Variants in LIMCH1 observed in about 807,000 individuals in gnomAD.
The protein encoded by LIMCH1 is LIM and calponin homology domains-containing protein 1.
A neutral mutation model predicts 176.5 loss-of-function variants in LIMCH1; 113 were observed. The ratio of observed to expected loss-of-function variants is 0.64; its 90% CI spans 0.55 to 0.75. The LOEUF is 0.75. Among genes scored for constraint, LIMCH1 ranks in the 30% least tolerant of loss-of-function variants. LIMCH1 has a pLI of 0.00. For synonymous variants in LIMCH1, 619 were observed against 645.9 expected (o/e 0.96, Z 0.63); for missense variants, 1,674 against 1,814.9 (o/e 0.92, Z 1.41).
chr4:41,665,619 A>T lies in LIMCH1; in HGVS notation c.3292-942A>T, dbSNP rs573912618. Among the ~76,000 whole-genome samples, 399 of 152,174 alleles carry T rather than the reference A, an allele frequency of 2.6e-3. 3 individuals carry two copies. Among genetic ancestry groups the T allele is most frequent in the Non-Finnish European group, 2.9e-3 (199 of 68,038 alleles). On this transcript the variant is annotated intron_variant, in intron 20 of 31. Coordinates refer to ENST00000503057, the MANE Select transcript of LIMCH1 (RefSeq NM_001330672.2). ...CCCTGAGGTCATTGATCTATAGGGA[A>T]CACAGCCACCAGCCAAAGAGTGAAT...
At chr4:41,522,572 A>G (rs1405437338) in intron 2 of LIMCH1, among the ~76,000 whole-genome samples, 2 of 152,228 alleles carry the variant, frequency 1.3e-5, no homozygotes, top group Admixed American at 1.3e-4. Flanking sequence ...TATCTGAGAA[A>G]AGCAAAAGTA....
At chr4:41,647,127 T>G (rs902319262) in intron 17 of LIMCH1, among the ~76,000 whole-genome samples, 36 of 152,232 alleles carry the variant, frequency 2.4e-4, no homozygotes, top group Non-Finnish European at 7.3e-5. Context: ...AGACTGATAG[T>G]GGAGTCGTCT....
chr4:41,682,560 C>A, intron 26 of LIMCH1, 100 bp downstream of exon 26: 1 of 1,160,038 alleles, frequency 8.6e-7, no homozygotes, highest in African/African-American at 1.5e-5. Flanking sequence ...TTACATTCAG[C>A]TTCGAAATGA....
At chr4:41,391,414 G>T (rs1229487727) in intron 1 of LIMCH1, among the ~76,000 whole-genome samples, 4 of 152,130 alleles carry the variant, frequency 2.6e-5, no homozygotes, top group African/African-American at 9.7e-5. Context: ...AGGTTCTAAC[G>T]TCAGCACATA....
intron 1 of LIMCH1, among the ~76,000 whole-genome samples, chr4:41,392,515 G>A (rs1490042793): frequency 6.6e-6 from 1 of 152,190 alleles, no homozygotes; most frequent in Non-Finnish European, 1.5e-5. Flanking sequence ...AACAGCAAGG[G>A]ATGCTGTTTG....
At chr4:41,524,579 T>A in intron 3 of LIMCH1, 1 of 871,582 alleles carries the variant, frequency 1.1e-6, no homozygotes, top group Non-Finnish European at 2.0e-6. Context: ...CAATATATAT[T>A]CCACTTGAAT....
At chr4:41,534,581 T>G (rs553290111), upstream of LIMCH1, among the ~76,000 whole-genome samples, 17 of 152,320 alleles carry the variant, frequency 1.1e-4, no homozygotes, top group South Asian at 2.9e-3. Context: ...TGCAGATGTC[T>G]GGCAGACTAT....
rs1369111482 is a variant in LIMCH1, at chr4:41,698,800, T to C, written c.*1615T>C. 6.6e-6 allele frequency: 1 copy of C among 152,436 alleles called. No individual in the cohort carries two copies. The highest frequency in any genetic ancestry group is 2.4e-5 in the African/African-American group (1 of 41,368). The allele number at this position is 152,436 out of a possible 1,614,324, so 9.4% of individuals were successfully genotyped here. ...AGGGATTTCGACCATATTTGTCATT[T>C]GGATGAGCTGTTATTAGATTGAAAT... On this transcript the variant is annotated 3_prime_UTR_variant, in exon 32 of 32. Coordinates refer to ENST00000503057, the MANE Select transcript of LIMCH1 (RefSeq NM_001330672.2).
chr4:41,443,771 A>G (rs1343307780), intron 1 of LIMCH1, among the ~76,000 whole-genome samples: 1 of 152,208 alleles, frequency 6.6e-6, no homozygotes, highest in African/African-American at 2.4e-5. Flanking sequence ...AGAGAGGCCC[A>G]TGGAACAAGT....
At chr4:41,633,484 A>T in intron 12 of LIMCH1, 64 bp from the exon 13 acceptor site, 1 of 1,505,672 alleles carries the variant, frequency 6.6e-7, no homozygotes, top group Non-Finnish European at 8.9e-7. Flanking sequence ...CCAGTGAGTG[A>T]CACTACTGAA....
chr4:41,681,346 A>G (rs1412499159), intron 25 of LIMCH1, among the ~76,000 whole-genome samples: 1 of 152,166 alleles, frequency 6.6e-6, no homozygotes, highest in East Asian at 1.9e-4. Flanking sequence ...CAAGATCTCA[A>G]TTAGTGAAGT....
intron 2 of LIMCH1, among the ~76,000 whole-genome samples, chr4:41,506,229 T>C (rs1231350635): frequency 6.6e-6 from 1 of 152,236 alleles, no homozygotes; most frequent in Non-Finnish European, 1.5e-5. Context: ...TTTCCAAAGA[T>C]AAGAAATCTG....
At position 41,644,556 on chromosome 4, in the gene LIMCH1, G is replaced by T; in HGVS notation, c.2183G>T (p.Ser728Ile). The T allele has an allele frequency of 6.2e-7, 1 of 1,606,372 alleles. No individual in the cohort carries two copies. Among genetic ancestry groups the T allele is most frequent in the Non-Finnish European group, 8.5e-7 (1 of 1,176,658 alleles). Residue 728 changes from serine to isoleucine, a missense_variant, in exon 15 of 32, where the codon AGC becomes ATC. Physicochemically the swap from Ser to Ile is moderately radical, Grantham distance 142 (BLOSUM62 -2). Transcript: ENST00000503057. Reference protein sequence around the residue: ...CEEEAAVQPHSRARQEQLQLI... With the variant: ...CEEEAAVQPHIRARQEQLQLI... The stretch of plus-strand genomic sequence containing the variant: ...GAGGAGGCCGCGGTGCAGCCGCACA[G>T]CAGGGCCCGCCAGGAGCAGCTGCAG...
chr4:41,559,947 A>G (rs572760042), intron 1 of LIMCH1, among the ~76,000 whole-genome samples: 1 of 152,122 alleles, frequency 6.6e-6, no homozygotes, highest in South Asian at 2.1e-4. Context: ...ATATGCCAAA[A>G]ATTCCCAAGT....
chr4:41,697,198 G>T lies in LIMCH1; in HGVS notation c.*13G>T, dbSNP rs1009167271. The T allele has an allele frequency of 1.2e-6, 2 of 1,613,178 alleles. No individual in the cohort carries two copies. Among genetic ancestry groups the T allele is most frequent in the African/African-American group, 2.7e-5 (2 of 74,902 alleles). On this transcript the variant is annotated 3_prime_UTR_variant, in exon 32 of 32. Coordinates refer to ENST00000503057, the MANE Select transcript of LIMCH1 (RefSeq NM_001330672.2). ...TACAACATTGTGACACGGCTTTCAA[G>T]CTTCCGGATCACTCACCATTTCTTT...
At chr4:41,529,631 C>T (rs6813353) in intron 3 of LIMCH1, among the ~76,000 whole-genome samples, 2 of 152,114 alleles carry the variant, frequency 1.3e-5, no homozygotes, top group Non-Finnish European at 2.9e-5. Flanking sequence ...GCCCTGGCCA[C>T]CCCTCTCCTT....
intron 1 of LIMCH1, among the ~76,000 whole-genome samples, chr4:41,457,189 A>G (rs2064719538): frequency 6.6e-6 from 1 of 152,210 alleles, no homozygotes; most frequent in African/African-American, 2.4e-5. Flanking sequence ...TTTCTGAAAT[A>G]TATACCTTAA....
intron 9 of LIMCH1, among the ~76,000 whole-genome samples, chr4:41,630,607 G>A (rs1006661123): frequency 2.0e-5 from 3 of 152,102 alleles, no homozygotes; most frequent in Non-Finnish European, 1.5e-5. Flanking sequence ...TCATTTCTAG[G>A]CAAGACAATG....
rs897187095 is a variant in LIMCH1 at position 41,671,593 on chromosome 4, C to T, written c.3437C>T (p.Pro1146Leu). 3.8e-6 allele frequency: 6 copies of T among 1,573,312 alleles called. No homozygotes were observed. The highest frequency in any genetic ancestry group is 5.2e-6 in the Non-Finnish European group (6 of 1,143,594). Residue 1146 changes from proline to leucine, a missense_variant and splice_region_variant, in exon 22 of 32, where the codon CCT (proline) becomes CTT (leucine). This residue lies in a region of LIMCH1 where 1,015 missense variants were observed against 1,102.5 expected (regional missense o/e 0.92). Coordinates refer to ENST00000503057, the MANE Select transcript of LIMCH1 (RefSeq NM_001330672.2). ...PSSEKSPVMT[P>L]FKFWAWDPEE... is the part of the protein sequence containing the mutation. ...AGTGAGAAGTCACCTGTTATGACAC[C>T]TGTAAGTCACTCATTTTAAGGAATA...
Sources: gnomAD v4.1 joint callset for allele counts (sites outside exome capture counted in the v4.1 genomes callset) on GRCh38, gnomAD v4.1.1 for gene constraint, gnomAD v4.1.1 regional missense constraint, MANE v1.5 for transcripts, NCBI Gene and HGNC (gene_info 2026-07-23, HGNC 2026-07-21) for gene names.